The following SHISA6 variants were observed in gnomAD, a reference collection of about 807,000 sequenced individuals.
The protein encoded by SHISA6 is shisa family member 6.
SHISA6 carries 22 observed loss-of-function variants against 47.9 expected under a neutral mutation model. The observed-to-expected ratio is 0.46, with a 90% confidence interval of 0.33 to 0.66. The LOEUF (loss-of-function observed/expected upper bound fraction) is 0.66. Ranked by LOEUF, SHISA6 falls within the 30% of genes least tolerant of loss-of-function variation. The pLI, the probability that SHISA6 is intolerant of heterozygous loss-of-function variation, is 0.02. For missense variants in SHISA6, 680 were observed against 764.6 expected, an observed-to-expected ratio of 0.89 and a Z score of 1.30; for synonymous variants, 388 against 337.8, an observed-to-expected ratio of 1.15 and a Z score of -1.63.
intron 3 of SHISA6, among the ~76,000 whole-genome samples, chr17:11,425,631 A>G (rs1430114870): frequency 1.3e-5 from 2 of 152,214 alleles, no homozygotes; most frequent in African/African-American, 2.4e-5. Flanking sequence ...TATAAGATGA[A>G]AACCTCAGGG....
intron 2 of SHISA6, among the ~76,000 whole-genome samples, chr17:11,333,001 G>A (rs1246609508): frequency 6.6e-6 from 1 of 152,186 alleles, no homozygotes; most frequent in East Asian, 1.9e-4. Flanking sequence ...GCAGAGCAGC[G>A]GGGGCCTCCC....
chr17:11,347,309 G>A (rs549478368), intron 2 of SHISA6, among the ~76,000 whole-genome samples: 2 of 152,260 alleles, frequency 1.3e-5, no homozygotes, highest in African/African-American at 4.8e-5. Context: ...GGAGCAGTCA[G>A]AAGTGGGAGA....
chr17:11,486,394 G>T (rs933472824), intron 3 of SHISA6, among the ~76,000 whole-genome samples: 1 of 152,176 alleles, frequency 6.6e-6, no homozygotes, highest in Non-Finnish European at 1.5e-5. Flanking sequence ...GGGTCTCTTT[G>T]CTCTGAATGA....
At chr17:11,427,744 A>G (rs1029779051) in intron 3 of SHISA6, among the ~76,000 whole-genome samples, 2 of 152,270 alleles carry the variant, frequency 1.3e-5, no homozygotes, top group South Asian at 2.1e-4. Context: ...TATAAGGGCC[A>G]AAAGGAGGTG....
intron 2 of SHISA6, among the ~76,000 whole-genome samples, chr17:11,375,500 A>G (rs1415978049): frequency 2.6e-5 from 4 of 152,206 alleles, no homozygotes; most frequent in Non-Finnish European, 5.9e-5. Flanking sequence ...TCACAGATGC[A>G]AAATTCTGTT....
rs534259383 is a variant in SHISA6, at chr17:11,458,972, G to A, written c.895+79463G>A. ...TGTAATCCCAGCACTTTGGGAGGCC[G>A]AGGCAGGCGGATCATGAGGTCAGGA... is the stretch of plus-strand genomic sequence containing the variant. On this transcript the variant is annotated intron_variant, in intron 3 of 5. Coordinates refer to ENST00000441885, the MANE Select transcript of SHISA6 (RefSeq NM_207386.4). 1.4e-4 allele frequency among the ~76,000 whole-genome samples: 21 copies of A among 152,126 alleles called. No individual in the cohort carries two copies. The Middle Eastern group carries it at 0.01, about 74-fold the overall frequency.
chr17:11,347,579 T>A (rs1321761662), intron 2 of SHISA6, among the ~76,000 whole-genome samples: 1 of 152,178 alleles, frequency 6.6e-6, no homozygotes, highest in African/African-American at 2.4e-5. Context: ...AAACGGTGGC[T>A]TAGAAGTATT....
rs34920362 is a variant in SHISA6 at position 11,428,779 on chromosome 17, C to CTT, written c.895+49292_895+49293dup. On this transcript the variant is annotated intron_variant, in intron 3 of 5. Coordinates refer to ENST00000441885, the MANE Select transcript of SHISA6 (RefSeq NM_207386.4). ...GCTCAGCTGGGGCAGGATCCACTTT[C>CTT]TTTTTTTTTTTTTTTTTTTTTTTGA... Among the ~76,000 whole-genome samples the CTT allele has an allele frequency of 5.0e-3, 481 of 95,902 alleles. 3 individuals are homozygous for CTT. The highest frequency in any genetic ancestry group is 7.0e-3 in the African/African-American group (162 of 23,080). 62.9% of individuals were successfully genotyped at this position (95,902 alleles called of 152,430 possible). A position where few individuals can be genotyped will look rare whatever the true frequency, so the allele number is the denominator to read the frequency against.
At chr17:11,553,057 C>A (rs1567637496) in intron 4 of SHISA6, among the ~76,000 whole-genome samples, 2 of 152,096 alleles carry the variant, frequency 1.3e-5, no homozygotes, top group African/African-American at 4.8e-5. Context: ...GTTTTATTAA[C>A]AAAATCTAAG....
chr17:11,349,827 G>A (rs1046613170), intron 2 of SHISA6, among the ~76,000 whole-genome samples: 15 of 152,284 alleles, frequency 9.9e-5, no homozygotes, highest in African/African-American at 3.6e-4. Flanking sequence ...TTGGAAACAG[G>A]CAAAAATGAA....
chr17:11,442,756 G>T (rs1915125670), intron 3 of SHISA6, among the ~76,000 whole-genome samples: 1 of 152,152 alleles, frequency 6.6e-6, no homozygotes, highest in South Asian at 2.1e-4. Context: ...GGGAGTGGGG[G>T]AGGAAGGCTG....
intron 3 of SHISA6, among the ~76,000 whole-genome samples, chr17:11,508,754 A>G (rs1215450662): frequency 7.2e-6 from 1 of 138,740 alleles, no homozygotes. Context: ...TTATGAAGTT[A>G]GTGACTCTGT....
intron 3 of SHISA6, among the ~76,000 whole-genome samples, chr17:11,480,810 A>G (rs991318235): frequency 6.6e-6 from 1 of 152,180 alleles, no homozygotes; most frequent in African/African-American, 2.4e-5. Flanking sequence ...TCCAGGATAG[A>G]AGATAGAAGG....
At chr17:11,499,469 T>C (rs1162134284) in intron 3 of SHISA6, among the ~76,000 whole-genome samples, 2 of 152,102 alleles carry the variant, frequency 1.3e-5, no homozygotes, top group Non-Finnish European at 2.9e-5. Flanking sequence ...CTCAAGCCAG[T>C]GACAGGCTCC....
intron 2 of SHISA6, among the ~76,000 whole-genome samples, chr17:11,293,989 G>T (rs757913478): frequency 6.6e-6 from 1 of 151,968 alleles, no homozygotes; most frequent in African/African-American, 2.4e-5. Context: ...GGGTTCAAGC[G>T]ATTCTCCTGC....
intron 3 of SHISA6, among the ~76,000 whole-genome samples, chr17:11,483,042 C>T (rs1165745707): frequency 6.6e-6 from 1 of 152,026 alleles, no homozygotes; most frequent in Non-Finnish European, 1.5e-5. Context: ...TGGTTCATGC[C>T]TGTAATTCTA....
intron 1 of SHISA6, among the ~76,000 whole-genome samples, chr17:11,243,528 A>C (rs921743724): frequency 6.6e-6 from 1 of 152,134 alleles, no homozygotes; most frequent in African/African-American, 2.4e-5. Context: ...CTCTTGTGTG[A>C]GAAACAGCCT....
intron 1 of SHISA6, among the ~76,000 whole-genome samples, chr17:11,253,087 T>A (rs1011195270): frequency 1.3e-5 from 2 of 152,220 alleles, no homozygotes; most frequent in Non-Finnish European, 2.9e-5. Flanking sequence ...TGCTTTTAAG[T>A]CACATCATTA....
At chr17:11,370,063 G>A (rs1479710328) in intron 2 of SHISA6, among the ~76,000 whole-genome samples, 2 of 152,166 alleles carry the variant, frequency 1.3e-5, no homozygotes, top group Non-Finnish European at 2.9e-5. Flanking sequence ...GCGAGAAAAG[G>A]TGACCTTGAA....
Sources: allele counts gnomAD v4.1 joint callset (sites outside exome capture counted in the v4.1 genomes callset), GRCh38; gene constraint gnomAD v4.1.1; transcripts MANE v1.5; gene names NCBI Gene and HGNC (gene_info 2026-07-23, HGNC 2026-07-21).